Variants in ANKS1B observed in about 807,000 individuals in gnomAD.
ANKS1B encodes the protein ankyrin repeat and sterile alpha motif domain containing 1B.
Under a neutral mutation model 148.3 loss-of-function variants are expected in ANKS1B, and 36 were observed. The ratio of observed to expected loss-of-function variants is 0.24; its 90% CI spans 0.19 to 0.32. The LOEUF (loss-of-function observed/expected upper bound fraction) is 0.32, where lower values mean the gene tolerates loss of function less well. Among genes scored for constraint, ANKS1B ranks in the 10% least tolerant of loss-of-function variants. ANKS1B has a pLI of 1.00. For missense variants in ANKS1B, 1,157 were observed against 1,542.6 expected (o/e 0.75, Z 4.19); for synonymous variants, 542 against 560.8 (o/e 0.97, Z 0.47).
intron 8 of ANKS1B, among the ~76,000 whole-genome samples, chr12:99,706,957 G>T (rs955928095): frequency 2.0e-5 from 3 of 152,072 alleles, no homozygotes; most frequent in Non-Finnish European, 4.4e-5. Flanking sequence ...CCATTCCTGG[G>T]TGACACCTTG....
chr12:99,331,585 CA>C (rs1451975580), intron 12 of ANKS1B, among the ~76,000 whole-genome samples: 2 of 152,008 alleles, frequency 1.3e-5, no homozygotes, highest in Non-Finnish European at 2.9e-5. Flanking sequence ...GCAAGTCTTT[CA>C]GAATGAGATC....
intron 14 of ANKS1B, among the ~76,000 whole-genome samples, chr12:99,216,397 C>T (rs2084202313): frequency 6.6e-6 from 1 of 152,172 alleles, no homozygotes; most frequent in African/African-American, 2.4e-5. Flanking sequence ...AATTGCTATC[C>T]TGCAAGCTTT....
intron 8 of ANKS1B, among the ~76,000 whole-genome samples, chr12:99,703,824 A>G (rs572779598): frequency 3.9e-5 from 6 of 152,306 alleles, no homozygotes; most frequent in African/African-American, 1.4e-4. Flanking sequence ...GCATAATGGC[A>G]GTATCCCCAT....
intron 17 of ANKS1B, among the ~76,000 whole-genome samples, chr12:98,924,796 G>A (rs1436004259): frequency 2.0e-5 from 3 of 152,076 alleles, no homozygotes; most frequent in African/African-American, 7.2e-5. Flanking sequence ...TCACTAAATA[G>A]TCTTCATCAT....
intron 24 of ANKS1B, among the ~76,000 whole-genome samples, chr12:98,776,849 A>G (rs904669403): frequency 1.3e-5 from 2 of 152,246 alleles, no homozygotes; most frequent in Admixed American, 1.3e-4. Flanking sequence ...TGTGCTTAAC[A>G]TGGCCTTAAT....
intron 25 of ANKS1B, among the ~76,000 whole-genome samples, chr12:98,768,798 C>A (rs2098525568): frequency 1.3e-5 from 2 of 152,018 alleles, no homozygotes; most frequent in African/African-American, 4.8e-5. Flanking sequence ...CACACTCCAC[C>A]CCCGCCTCAC....
intron 8 of ANKS1B, among the ~76,000 whole-genome samples, chr12:99,728,678 C>A (rs1661431517): frequency 6.6e-6 from 1 of 152,118 alleles, no homozygotes; most frequent in African/African-American, 2.4e-5. Context: ...CATATTATCA[C>A]TGCAGCACTA....
intron 8 of ANKS1B, among the ~76,000 whole-genome samples, chr12:99,753,958 G>A (rs1398596584): frequency 1.3e-5 from 2 of 151,998 alleles, no homozygotes; most frequent in African/African-American, 2.4e-5. Flanking sequence ...AGGAGGCAGA[G>A]GTTACAGTGA....
At chr12:99,580,119 T>A (rs1431944716) in intron 9 of ANKS1B, among the ~76,000 whole-genome samples, 1 of 152,142 alleles carries the variant, frequency 6.6e-6, no homozygotes, top group East Asian at 1.9e-4. Context: ...ATACCACATA[T>A]TGTCACTTAT....
chr12:99,930,061 G>A (rs2094573799), intron 1 of ANKS1B, among the ~76,000 whole-genome samples: 1 of 151,854 alleles, frequency 6.6e-6, no homozygotes, highest in Admixed American at 6.6e-5. Context: ...TGATGGGGAT[G>A]GCATTGAATC....
intron 1 of ANKS1B, among the ~76,000 whole-genome samples, chr12:99,880,067 A>G (rs2092380252): frequency 1.3e-5 from 2 of 152,188 alleles, no homozygotes; most frequent in Non-Finnish European, 2.9e-5. Flanking sequence ...TTCTGTTTAT[A>G]TTATCCTCTT....
intron 1 of ANKS1B, among the ~76,000 whole-genome samples, chr12:99,907,067 G>A (rs1209281665): frequency 6.6e-6 from 1 of 152,148 alleles, no homozygotes; most frequent in African/African-American, 2.4e-5. Flanking sequence ...ACAAGAACAG[G>A]CATTAAAGCA....
At chr12:99,228,859 A>G (rs754521754) in intron 14 of ANKS1B, among the ~76,000 whole-genome samples, 4 of 151,996 alleles carry the variant, frequency 2.6e-5, no homozygotes, top group Non-Finnish European at 4.4e-5. Context: ...AGGAAATTTT[A>G]CCTTATTTTC....
chr12:99,327,221 A>G (rs1360470145), intron 12 of ANKS1B, among the ~76,000 whole-genome samples: 1 of 108,616 alleles, frequency 9.2e-6, no homozygotes, highest in African/African-American at 3.6e-5. Context: ...TATATAATAT[A>G]ATTTATAATT....
chr12:99,661,161 C>A (rs78776822), intron 8 of ANKS1B, among the ~76,000 whole-genome samples: 2,450 of 152,160 alleles, frequency 0.016, 67 homozygotes, highest in African/African-American at 0.056. Context: ...TTATTGAGGT[C>A]TAAAGGAACT....
intron 11 of ANKS1B, among the ~76,000 whole-genome samples, chr12:99,426,866 A>G (rs573317799): frequency 6.6e-6 from 1 of 152,322 alleles, no homozygotes; most frequent in Non-Finnish European, 1.5e-5. Context: ...ATCAAAACAA[A>G]CACAATGAAA....
chr12:99,813,182 G>A (rs917987588), intron 2 of ANKS1B, among the ~76,000 whole-genome samples: 2 of 151,180 alleles, frequency 1.3e-5, no homozygotes, highest in Non-Finnish European at 3.0e-5. Context: ...TCCCCACCAG[G>A]TTTTCAAAGT....
intron 17 of ANKS1B, among the ~76,000 whole-genome samples, chr12:98,852,357 T>C (rs1316028296): frequency 6.6e-6 from 1 of 152,034 alleles, no homozygotes; most frequent in Non-Finnish European, 1.5e-5. Flanking sequence ...GTACCAGATG[T>C]AGGCGTTAAA....
intron 1 of ANKS1B, among the ~76,000 whole-genome samples, chr12:99,873,812 G>C (rs2091799256): frequency 6.6e-6 from 1 of 151,984 alleles, no homozygotes; most frequent in Non-Finnish European, 1.5e-5. Flanking sequence ...ATCTAGGTAG[G>C]CCTCGTTCAA....
Sources: gnomAD v4.1 joint callset for allele counts (sites outside exome capture counted in the v4.1 genomes callset) on GRCh38, gnomAD v4.1.1 for gene constraint, MANE v1.5 for transcripts, NCBI Gene and HGNC (gene_info 2026-07-23, HGNC 2026-07-21) for gene names.